HAVCR1: variants seen among roughly 807,000 people sequenced by gnomAD.
The protein encoded by HAVCR1 is T cell immunoglobin domain and mucin domain protein 1.
Under a neutral mutation model 32.0 loss-of-function variants are expected in HAVCR1, and 34 were observed. That is an observed-to-expected ratio of 1.06 (90% CI 0.81 to 1.42). HAVCR1 has a LOEUF of 1.42. Among genes scored for constraint, HAVCR1 ranks in the 40% most tolerant of loss-of-function variants. The probability of loss-of-function intolerance (pLI) is 0.00; values close to 1 mark genes in which losing one functional copy is unlikely to be tolerated. For synonymous variants in HAVCR1, 178 were observed against 170.3 expected, an observed-to-expected ratio of 1.05 and a Z score of -0.35; for missense variants, 420 against 442.3, an observed-to-expected ratio of 0.95 and a Z score of 0.45.
chr5:157,056,672 G>A (rs887070834), intron 2 of HAVCR1, among the ~76,000 whole-genome samples: 8 of 152,040 alleles, frequency 5.3e-5, no homozygotes, highest in African/African-American at 1.2e-4. Context: ...GAGCCACCAC[G>A]CCCGGCCACC....
chr5:157,064,741 G>A, the HAVCR1 span, among the ~76,000 whole-genome samples: 1 of 152,070 alleles, frequency 6.6e-6, no homozygotes, highest in Non-Finnish European at 1.5e-5. Flanking sequence ...GGTCGTGGGT[G>A]CCTGTAATCT....
At chr5:157,052,998 G>A (rs540060256) in intron 3 of HAVCR1, among the ~76,000 whole-genome samples, 8 of 152,248 alleles carry the variant, frequency 5.3e-5, no homozygotes, top group South Asian at 4.1e-4. Context: ...CTGCTGCCTC[G>A]AACTCCCAGG....
chr5:157,034,294 T>G (rs1754394682), intron 7 of HAVCR1, among the ~76,000 whole-genome samples: 1 of 151,446 alleles, frequency 6.6e-6, no homozygotes, highest in Admixed American at 6.6e-5. Flanking sequence ...CATAAATAAG[T>G]TTAAGGAAAG....
At chr5:157,044,770 A>G (rs1031879021) in intron 5 of HAVCR1, among the ~76,000 whole-genome samples, 4 of 152,182 alleles carry the variant, frequency 2.6e-5, no homozygotes, top group African/African-American at 9.7e-5. Flanking sequence ...CCTGTTTGTG[A>G]CAGGTATTAT....
chr5:157,041,226 G>A (rs530445064), intron 6 of HAVCR1, among the ~76,000 whole-genome samples: 13 of 152,258 alleles, frequency 8.5e-5, no homozygotes, highest in Admixed American at 3.3e-4. Flanking sequence ...GGCCGGGTAC[G>A]GTGGCTCACG....
In HAVCR1 at chr5:157,055,364, C is replaced by G. The variant is rs527766311; in HGVS notation, c.216G>C (p.Arg72=). The change falls in exon 3 of 9, where the codon CGG becomes CGC. Residue 72 remains arginine, a synonymous_variant. Coordinates refer to ENST00000523175, the MANE Select transcript of HAVCR1 (RefSeq NM_001173393.3). ...CCAATAGCTTATAGCGTGTGTCCTT[C>G]CGATAGGTGACGTGGGTTCCATTGG... The part of the protein sequence containing the change: ...VWTNGTHVTY[R]KDTRYKLLGD... 1.4e-4 allele frequency: 225 copies of G among 1,613,946 alleles called. No individual in the cohort carries two copies. Among genetic ancestry groups the G allele is most frequent in the South Asian group, 4.2e-4 (38 of 91,086 alleles).
intron 5 of HAVCR1, 87 bp from the exon 6 acceptor site, chr5:157,042,769 G>A (rs1754988295): frequency 1.2e-6 from 1 of 812,034 alleles, no homozygotes; most frequent in South Asian, 1.6e-5. Context: ...ATTACCTTCT[G>A]GCGATGAAAA....
rs117910575 is a variant in HAVCR1, at chr5:157,040,035, G to A, written c.837+2592C>T. Among the ~76,000 whole-genome samples the A allele has an allele frequency of 2.3e-4, 35 of 152,298 alleles. No homozygotes were observed. The East Asian group carries it at 4.3e-3, about 18-fold the overall frequency. On this transcript the variant is annotated intron_variant, in intron 6 of 8. Transcript: ENST00000523175. ...TCACCGGCCAGGCGCGGTAGCTCAC[G>A]TCTGTGGAATCCCAGCACTTTGGAA... is the stretch of plus-strand genomic sequence containing the variant.
upstream of HAVCR1, among the ~76,000 whole-genome samples, chr5:157,060,703 T>C (rs1756467676): frequency 6.6e-6 from 1 of 152,108 alleles, no homozygotes; most frequent in South Asian, 2.1e-4. Flanking sequence ...GACAGGGATG[T>C]GGAGCCAGTG....
At position 157,049,473 on chromosome 5, in the gene HAVCR1, T is replaced by C. The variant is rs576774437; in HGVS notation, c.674-328A>G. Among the ~76,000 whole-genome samples the C allele has an allele frequency of 2.3e-4, 35 of 152,334 alleles. No individual in the cohort carries two copies. The South Asian group carries it at 6.6e-3, about 29-fold the overall frequency. ...TCTATACTCCCAGGTTCCCTCTAAA[T>C]AGACAAAGCCAACAACAGGGCATTT... On this transcript the variant is annotated intron_variant, in intron 4 of 8. Transcript: ENST00000523175.
At chr5:157,068,387 C>T in the HAVCR1 span, among the ~76,000 whole-genome samples, 1 of 152,118 alleles carries the variant, frequency 6.6e-6, no homozygotes, top group Non-Finnish European at 1.5e-5. Flanking sequence ...AGTTTGAGAC[C>T]AGCCTGGGCA....
intron 3 of HAVCR1, 78 bp downstream of exon 3, chr5:157,055,123 T>C (rs1207766416): frequency 1.3e-6 from 1 of 740,962 alleles, no homozygotes; most frequent in Non-Finnish European, 2.3e-6. Flanking sequence ...ACCTCCTCTT[T>C]CCCTATTAAG....
Position 157,057,975 on chromosome 5 carries a change from C to T in HAVCR1, c.-12-20G>A. 1 of 1,590,092 alleles carries T rather than the reference C, an allele frequency of 6.3e-7. No homozygotes were observed. The highest frequency in any genetic ancestry group is 1.7e-5 in the Admixed American group (1 of 59,964). On this transcript the variant is annotated intron_variant, in intron 1 of 8. Transcript: ENST00000523175. The stretch of plus-strand genomic sequence containing the variant: ...ATCAGCCTGAAGGAAAATGAGCAGA[C>T]AGGCTGGTTGGTACCCTCCACCAGA...
chr5:157,050,802 A>T (rs1434158499), intron 4 of HAVCR1, among the ~76,000 whole-genome samples: 2 of 152,204 alleles, frequency 1.3e-5, no homozygotes. Flanking sequence ...CAAAACTTTT[A>T]TGGCTCTAAA....
At chr5:157,042,036 G>A (rs947338986) in intron 6 of HAVCR1, among the ~76,000 whole-genome samples, 10 of 152,100 alleles carry the variant, frequency 6.6e-5, no homozygotes, top group South Asian at 4.2e-4. Context: ...TCCAGCCTAG[G>A]AGACAGAGTG....
chr5:157,058,112 TCAGAGCTCTGTTAGTTCCCTG>T, intron 1 of HAVCR1, 157 bp from the exon 2 acceptor site: 1 of 622,634 alleles, frequency 1.6e-6, no homozygotes, highest in Non-Finnish European at 2.9e-6. Flanking sequence ...TATAACGGCT[TCAGAGCTCTGTTAGTTCCCTG>T]CAGCTGAGAG....
At chr5:157,032,620 A>G (rs1754245469) in intron 8 of HAVCR1, among the ~76,000 whole-genome samples, 2 of 152,216 alleles carry the variant, frequency 1.3e-5, no homozygotes, top group Non-Finnish European at 2.9e-5. Context: ...ATCTTGCCCT[A>G]TGGGGTTTGC....
intron 5 of HAVCR1, among the ~76,000 whole-genome samples, chr5:157,047,179 G>A (rs1755450216): frequency 6.6e-6 from 1 of 152,070 alleles, no homozygotes; most frequent in African/African-American, 2.4e-5. Context: ...TTCTGATTGT[G>A]GGTCATAAGA....
At chr5:157,048,339 G>A (rs1755529821) in intron 5 of HAVCR1, among the ~76,000 whole-genome samples, 1 of 152,172 alleles carries the variant, frequency 6.6e-6, no homozygotes, top group Admixed American at 6.5e-5. Context: ...CTAAAAACAA[G>A]GTAATATGCA....
Sources: allele counts gnomAD v4.1 joint callset (sites outside exome capture counted in the v4.1 genomes callset), GRCh38; gene constraint gnomAD v4.1.1; transcripts MANE v1.5; gene names NCBI Gene and HGNC (gene_info 2026-07-23, HGNC 2026-07-21).